The following ATL1 variants were observed in gnomAD, a reference collection of about 807,000 sequenced individuals.
The protein encoded by ATL1 is atlastin-1.
In ATL1, 31 loss-of-function variants were observed where a neutral mutation model predicts 75.5. That is an observed-to-expected ratio of 0.41 (90% CI 0.31 to 0.55). ATL1 has a LOEUF of 0.55. ATL1 is among the 20% of genes least tolerant of loss of function. The pLI, the probability that ATL1 is intolerant of heterozygous loss-of-function variation, is 0.27. For missense variants in ATL1, 405 were observed against 662.6 expected (o/e 0.61, Z 4.27); for synonymous variants, 226 against 233.3 (o/e 0.97, Z 0.28).
At chr14:50,608,009 T>C (rs574347299) in intron 6 of ATL1, among the ~76,000 whole-genome samples, 2 of 152,276 alleles carry the variant, frequency 1.3e-5, no homozygotes, top group Admixed American at 6.5e-5. Flanking sequence ...AAAGGGACGC[T>C]AATAAAATTT....
intron 5 of ATL1, among the ~76,000 whole-genome samples, chr14:50,594,868 G>A (rs2039197793): frequency 1.3e-5 from 2 of 151,776 alleles, no homozygotes; most frequent in Admixed American, 1.3e-4. Flanking sequence ...GCGTGGTGGC[G>A]CATGCCTGTG....
At chr14:50,609,175 GACCCTTA>G (rs2039340845) in intron 6 of ATL1, among the ~76,000 whole-genome samples, 1 of 152,038 alleles carries the variant, frequency 6.6e-6, no homozygotes, top group African/African-American at 2.4e-5. Flanking sequence ...TTGTTCCCAT[GACCCTTA>G]ATGCAAAATC....
At position 50,621,831 on chromosome 14, in the gene ATL1, C is replaced by CT. The variant is rs753642042; in HGVS notation, c.991-3dup. On this transcript the variant is annotated splice_polypyrimidine_tract_variant and intron_variant, in intron 9 of 13. Transcript: ENST00000358385. ...GAATTGCTTGAACATGAATCTTTTT[C>CT]TTTTTTTTTAGGCTTATATAAAGAT... 4.9e-4 allele frequency: 732 copies of CT among 1,505,940 alleles called. No individual in the cohort carries two copies. The highest frequency in any genetic ancestry group is 6.0e-4 in the Non-Finnish European group (652 of 1,088,386). The allele number at this position is 1,505,940 out of a possible 1,614,324, so 93.3% of individuals were successfully genotyped here.
rs1555364363 is a variant in ATL1 at position 50,597,232 on chromosome 14, AAG to A, written c.630+1602_630+1603del. The stretch of plus-strand genomic sequence containing the variant: ...TCAAAAAAACAAACAAAAAAAAAAA[AAG>A]AAAAAAGAAAAAAGAATAACAGACA... On this transcript the variant is annotated intron_variant, in intron 6 of 13. Transcript: ENST00000358385. Among the ~76,000 whole-genome samples the A allele has an allele frequency of 5.3e-4, 59 of 111,024 alleles. No individual in the cohort carries two copies. In the South Asian group the frequency reaches 8.0e-3, roughly 15 times the overall value. 72.8% of individuals were successfully genotyped at this position (111,024 alleles called of 152,430 possible).
chr14:50,621,643 A>G (rs1249510580), intron 9 of ATL1, among the ~76,000 whole-genome samples, 200 bp from the exon 10 acceptor site: 2 of 152,212 alleles, frequency 1.3e-5, no homozygotes, highest in African/African-American at 4.8e-5. Flanking sequence ...TGGCAGACAG[A>G]GATGTTTGAA....
intron 3 of ATL1, 29 bp downstream of exon 3, chr14:50,591,104 G>T: frequency 6.2e-7 from 1 of 1,605,494 alleles, no homozygotes. Flanking sequence ...AAATAAAATT[G>T]AGTTTTCACT....
At chr14:50,552,316 G>A (rs1304685744) in intron 1 of ATL1, among the ~76,000 whole-genome samples, 1 of 152,090 alleles carries the variant, frequency 6.6e-6, no homozygotes, top group African/African-American at 2.4e-5. Context: ...TAACCAAGGA[G>A]GTGAGAGTTC....
intron 1 of ATL1, among the ~76,000 whole-genome samples, chr14:50,581,384 G>A (rs1347480761): frequency 6.6e-6 from 1 of 151,704 alleles, no homozygotes; most frequent in East Asian, 1.9e-4. Context: ...GGTCAAAATA[G>A]CCAAGACTGA....
chr14:50,569,416 C>A (rs2038934748), intron 1 of ATL1, among the ~76,000 whole-genome samples: 1 of 114,694 alleles, frequency 8.7e-6, no homozygotes, highest in Non-Finnish European at 2.1e-5. Context: ...AAGACTCTGT[C>A]TCAAAAAAAA....
At chr14:50,546,135 G>GA (rs139159455) in intron 1 of ATL1, among the ~76,000 whole-genome samples, 2 of 151,330 alleles carry the variant, frequency 1.3e-5, no homozygotes, top group Non-Finnish European at 3.0e-5. Flanking sequence ...TGAAACTGAA[G>GA]AAAAAAAAGA....
At chr14:50,547,623 A>T (rs1324925024) in intron 1 of ATL1, among the ~76,000 whole-genome samples, 1 of 152,214 alleles carries the variant, frequency 6.6e-6, no homozygotes. Context: ...AACCCCTATA[A>T]CAGCCCTGTG....
chr14:50,599,259 G>A (rs958596239), intron 6 of ATL1, among the ~76,000 whole-genome samples: 3 of 152,076 alleles, frequency 2.0e-5, no homozygotes, highest in Non-Finnish European at 2.9e-5. Context: ...AACAGGCAAA[G>A]AATATTAATA....
chr14:50,536,436 CAAAAAAA>C (rs34686813), intron 1 of ATL1, among the ~76,000 whole-genome samples: 2 of 107,228 alleles, frequency 1.9e-5, no homozygotes, highest in Non-Finnish European at 2.0e-5. Context: ...AACTCTGTCT[CAAAAAAA>C]AAAAAAAAAA....
rs1001579969 is a variant in ATL1, at chr14:50,618,854, A to C, written c.863-1745A>C. On this transcript the variant is annotated intron_variant, in intron 8 of 13. Coordinates refer to ENST00000358385, the MANE Select transcript of ATL1 (RefSeq NM_015915.5). ...TATGTGTATTTTTCCATATATATAT[A>C]ATGTATGTGTGTGTGTGTGTGTGTA... Among the ~76,000 whole-genome samples, 15 of 137,714 alleles carry C rather than the reference A, an allele frequency of 1.1e-4. No homozygotes were observed. The South Asian group carries it at 3.8e-3, about 35-fold the overall frequency. The allele number at this position is 137,714 out of a possible 152,430, so 90.3% of individuals were successfully genotyped here.
chr14:50,560,580 A>G (rs1162852342), intron 1 of ATL1: 2 of 496,056 alleles, frequency 4.0e-6, no homozygotes, highest in Admixed American at 6.6e-5. Context: ...CAGCATTTGG[A>G]CAGCACCCAC....
chr14:50,541,741 C>T (rs1345485260), intron 1 of ATL1, among the ~76,000 whole-genome samples: 3 of 152,020 alleles, frequency 2.0e-5, no homozygotes. Flanking sequence ...ATGCTGTTGG[C>T]CAGGCGCGGT....
intron 8 of ATL1, among the ~76,000 whole-genome samples, chr14:50,615,375 A>T (rs549101697): frequency 2.2e-4 from 33 of 152,322 alleles, no homozygotes; most frequent in African/African-American, 7.5e-4. Flanking sequence ...TGTCAGAGGG[A>T]TTTAAAATTA....
Position 50,595,661 on chromosome 14 carries a change from C to A in ATL1, c.630+29C>A, listed in dbSNP as rs776065509. The A allele has an allele frequency of 1.9e-6, 3 of 1,605,196 alleles. No individual in the cohort carries two copies. The South Asian group carries it at 3.3e-5, about 18-fold the overall frequency. On this transcript the variant is annotated intron_variant, in intron 6 of 13. Coordinates refer to ENST00000358385, the MANE Select transcript of ATL1 (RefSeq NM_015915.5). ...AGCGAGTGTTAAATGATGGTAAATT[C>A]TTACTAGATTTTCCTGAAGACTGTA...
chr14:50,543,349 C>A (rs1249352209), intron 1 of ATL1, among the ~76,000 whole-genome samples: 1 of 152,194 alleles, frequency 6.6e-6, no homozygotes, highest in Non-Finnish European at 1.5e-5. Context: ...CACTAGATTC[C>A]TTTCATTATA....
Sources: gnomAD v4.1 joint callset for allele counts (sites outside exome capture counted in the v4.1 genomes callset) on GRCh38, gnomAD v4.1.1 for gene constraint, MANE v1.5 for transcripts, NCBI Gene and HGNC (gene_info 2026-07-23, HGNC 2026-07-21) for gene names.